The following VPS37A variants were observed in gnomAD, a reference collection of about 807,000 sequenced individuals.
The protein encoded by VPS37A is vacuolar protein sorting-associated protein 37A.
In VPS37A, 30 loss-of-function variants were observed where a neutral mutation model predicts 49.8. The observed-to-expected ratio is 0.60, with a 90% CI of 0.45 to 0.82. The LOEUF is 0.82. VPS37A is among the 40% of genes least tolerant of loss of function. The pLI is 0.00. For missense variants in VPS37A, 593 were observed against 464.4 expected, an observed-to-expected ratio of 1.28 and a Z score of -2.55; for synonymous variants, 195 against 160.6, an observed-to-expected ratio of 1.21 and a Z score of -1.62.
At chr8:17,308,059 A>ATAAAG in the VPS37A span, among the ~76,000 whole-genome samples, 15,436 of 151,710 alleles carry the variant, frequency 0.1, 1,029 homozygotes, top group African/African-American at 0.19. Flanking sequence ...AAAAATAAAA[A>ATAAAG]TAAAATGAGG....
chr8:17,309,942 G>C, the VPS37A span, among the ~76,000 whole-genome samples: 1 of 152,098 alleles, frequency 6.6e-6, no homozygotes, highest in Non-Finnish European at 1.5e-5. Context: ...TAAGTCTGAG[G>C]CAGTCCAGAT....
chr8:17,270,330 C>A (rs1031924568), intron 4 of VPS37A, among the ~76,000 whole-genome samples: 1 of 152,078 alleles, frequency 6.6e-6, no homozygotes, highest in Admixed American at 6.5e-5. Flanking sequence ...GGTTAGGGAC[C>A]AGTGGCGATA....
At chr8:17,259,692 A>G (rs1173450848) in intron 1 of VPS37A, among the ~76,000 whole-genome samples, 1 of 152,056 alleles carries the variant, frequency 6.6e-6, no homozygotes, top group Non-Finnish European at 1.5e-5. Context: ...TAGTTAACGT[A>G]TTGCAATCTG....
At chr8:17,284,663 T>C (rs4922278) in intron 10 of VPS37A, 47 bp downstream of exon 10, 2 of 1,540,464 alleles carry the variant, frequency 1.3e-6, no homozygotes, top group Non-Finnish European at 1.7e-6. Flanking sequence ...TAAAGTTTGG[T>C]ATTTTTATAG....
At chr8:17,252,087 G>A (rs909453322) in intron 1 of VPS37A, among the ~76,000 whole-genome samples, 16 of 152,088 alleles carry the variant, frequency 1.1e-4, no homozygotes, top group Non-Finnish European at 1.6e-4. Context: ...GTTTCAACCC[G>A]TCGCATGTTA....
intron 9 of VPS37A, among the ~76,000 whole-genome samples, chr8:17,280,924 A>G (rs1273981149): frequency 6.6e-6 from 1 of 152,010 alleles, no homozygotes; most frequent in East Asian, 1.9e-4. Flanking sequence ...ATTTCTGAAA[A>G]AAAAGGAATC....
intron 6 of VPS37A, among the ~76,000 whole-genome samples, chr8:17,279,335 G>A (rs1445780903): frequency 1.3e-5 from 2 of 152,086 alleles, no homozygotes; most frequent in African/African-American, 4.8e-5. Flanking sequence ...AAGCCAAAAT[G>A]TTACAGTAAC....
chr8:17,313,384 G>A, the VPS37A span: 95 of 1,610,944 alleles, frequency 5.9e-5, 1 homozygote, highest in South Asian at 9.3e-4. Flanking sequence ...CTCATGGAGG[G>A]AGATTTAAGT....
chr8:17,328,909 C>A, the VPS37A span, among the ~76,000 whole-genome samples: 1 of 152,126 alleles, frequency 6.6e-6, no homozygotes, highest in Non-Finnish European at 1.5e-5. Context: ...TTGAGACTTA[C>A]AAATGGAAGT....
At position 17,297,020 on chromosome 8, in the gene VPS37A, G is replaced by A. The variant is rs542862598; in HGVS notation, c.*2034G>A. 2 of 152,094 alleles carry A rather than the reference G, an allele frequency of 1.3e-5. No individual in the cohort carries two copies. The highest frequency in any genetic ancestry group is 4.8e-5 in the African/African-American group (2 of 41,430). 9.4% of individuals were successfully genotyped at this position (152,094 alleles called of 1,614,324 possible). On this transcript the variant is annotated 3_prime_UTR_variant, in exon 12 of 12. Transcript: ENST00000324849. ...CCGTATGAATGTGGGTTCTGTTTTT[G>A]CAACAGAGATTAAGTGACCATTTTT...
At chr8:17,268,817 C>A in intron 3 of VPS37A, 39 bp from the exon 4 acceptor site, 1 of 1,334,598 alleles carries the variant, frequency 7.5e-7, no homozygotes, top group Non-Finnish European at 1.1e-6. Flanking sequence ...TAATCTTTTT[C>A]TGGAAGTGAT....
At chr8:17,304,663 G>A, downstream of VPS37A, 1 of 778,138 alleles carries the variant, frequency 1.3e-6, no homozygotes, top group South Asian at 1.8e-5. Flanking sequence ...TATCATCTTG[G>A]TGACTTCATG....
chr8:17,297,087 A>T lies in VPS37A; in HGVS notation c.*2101A>T, dbSNP rs1039791830. On this transcript the variant is annotated 3_prime_UTR_variant, in exon 12 of 12. Coordinates refer to ENST00000324849, the MANE Select transcript of VPS37A (RefSeq NM_152415.3). ...TATATTTTCTTCATAAAAATTGGTC[A>T]CATCGGAGAAGCAGTGCCACAGGAA... 8 of 152,186 alleles carry T rather than the reference A, an allele frequency of 5.3e-5. No homozygotes were observed. The highest frequency in any genetic ancestry group is 1.0e-4 in the Non-Finnish European group (7 of 68,016). The allele number at this position is 152,186 out of a possible 1,614,324, so 9.4% of individuals were successfully genotyped here. A position where few individuals can be genotyped will look rare whatever the true frequency, so the allele number is the denominator to read the frequency against.
intron 11 of VPS37A, among the ~76,000 whole-genome samples, chr8:17,294,118 G>T (rs1816391536): frequency 6.6e-6 from 1 of 152,208 alleles, no homozygotes; most frequent in Non-Finnish European, 1.5e-5. Context: ...CCCCTGACTG[G>T]GGCCTCTGCC....
Position 17,280,314 on chromosome 8 carries a change from T to A in VPS37A, c.900+17T>A. 6.2e-7 allele frequency: 1 copy of A among 1,607,326 alleles called. No individual in the cohort carries two copies. ...TTAGATAAGGTGAGTTAGTGATAAT[T>A]TTGAAGAAATTTACATAATTTAAAA... On this transcript the variant is annotated intron_variant, in intron 8 of 11. Coordinates refer to ENST00000324849, the MANE Select transcript of VPS37A (RefSeq NM_152415.3).
chr8:17,304,477 C>A (rs1817321825), downstream of VPS37A: 3 of 1,614,012 alleles, frequency 1.9e-6, no homozygotes, highest in Non-Finnish European at 2.5e-6. Flanking sequence ...CGGCCCGATT[C>A]TTCCACAGGT....
Position 17,284,533 on chromosome 8 carries a change from G to C in VPS37A, c.1030G>C (p.Glu344Gln). The part of the protein sequence containing the change: ...LKVAAHEAEE[E>Q]SDNIAEDFLE... The stretch of plus-strand genomic sequence containing the variant: ...AGTAGCTGCACATGAAGCTGAGGAA[G>C]AATCTGATAATATTGCAGAAGACTT... Residue 344 changes from glutamate to glutamine, a missense_variant, in exon 10 of 12, where the codon GAA (glutamate) becomes CAA (glutamine). Glu to Gln is a conservative substitution (Grantham distance 29). Transcript: ENST00000324849. The C allele has an allele frequency of 6.2e-7, 1 of 1,600,336 alleles. No homozygotes were observed. Among genetic ancestry groups the C allele is most frequent in the Non-Finnish European group, 8.5e-7 (1 of 1,175,488 alleles).
chr8:17,274,115 A>T (rs963781400), intron 4 of VPS37A, among the ~76,000 whole-genome samples: 2 of 152,208 alleles, frequency 1.3e-5, no homozygotes, highest in African/African-American at 4.8e-5. Flanking sequence ...TTAAATGTAA[A>T]ATATTTGTTA....
In VPS37A at chr8:17,297,848, TCTA is replaced by T. The variant is rs1415108032; in HGVS notation, c.*2863_*2865del. 1 of 144,568 alleles carries T rather than the reference TCTA, an allele frequency of 6.9e-6. No individual in the cohort carries two copies. Among genetic ancestry groups the T allele is most frequent in the African/African-American group, 2.6e-5 (1 of 38,178 alleles). 9.0% of individuals were successfully genotyped at this position (144,568 alleles called of 1,614,324 possible). ...TATAAATCTCAGTGCTAGGTTAACT[TCTA>T]ATAAGCAGACGAACATGTTACATAA... On this transcript the variant is annotated 3_prime_UTR_variant, in exon 12 of 12. Transcript: ENST00000324849.
Sources: allele counts gnomAD v4.1 joint callset (sites outside exome capture counted in the v4.1 genomes callset), GRCh38; gene constraint gnomAD v4.1.1; transcripts MANE v1.5; gene names NCBI Gene and HGNC (gene_info 2026-07-23, HGNC 2026-07-21).